HPSE2: variants seen among roughly 807,000 people sequenced by gnomAD.
HPSE2 encodes inactive heparanase-2.
In HPSE2, 38 loss-of-function variants were observed where a neutral mutation model predicts 60.5. That is an observed-to-expected ratio of 0.63 (90% CI 0.48 to 0.82). The LOEUF (loss-of-function observed/expected upper bound fraction) is 0.82, where lower values mean the gene tolerates loss of function less well. HPSE2 is among the 40% of genes least tolerant of loss of function. The pLI, the probability that HPSE2 is intolerant of heterozygous loss-of-function variation, is 0.00. For missense variants in HPSE2, 713 were observed against 740.4 expected, an observed-to-expected ratio of 0.96 and a Z score of 0.43; for synonymous variants, 295 against 293.2, an observed-to-expected ratio of 1.01 and a Z score of -0.06.
chr10:99,032,314 GA>G (rs1047736589), intron 3 of HPSE2, among the ~76,000 whole-genome samples: 2 of 151,564 alleles, frequency 1.3e-5, no homozygotes, highest in South Asian at 2.1e-4. Flanking sequence ...GGGGTGGAAA[GA>G]AAAAAAATCG....
At chr10:99,077,840 C>G (rs1186408055) in intron 3 of HPSE2, among the ~76,000 whole-genome samples, 1 of 152,000 alleles carries the variant, frequency 6.6e-6, no homozygotes, top group African/African-American at 2.4e-5. Context: ...TTGTCACCTC[C>G]AAATCTCATG....
At chr10:98,517,460 C>T (rs1276352454) in intron 9 of HPSE2, among the ~76,000 whole-genome samples, 5 of 152,276 alleles carry the variant, frequency 3.3e-5, no homozygotes, top group Admixed American at 3.3e-4. Flanking sequence ...CAGAGAGTAC[C>T]TCGTAAATAC....
chr10:98,573,638 T>C (rs899097991), intron 9 of HPSE2, among the ~76,000 whole-genome samples: 2 of 152,198 alleles, frequency 1.3e-5, no homozygotes, highest in Admixed American at 6.5e-5. Context: ...TCAGCTCCTA[T>C]CTTTTTCACC....
At chr10:98,756,265 C>T (rs1949876572) in intron 3 of HPSE2, among the ~76,000 whole-genome samples, 1 of 151,748 alleles carries the variant, frequency 6.6e-6, no homozygotes, top group South Asian at 2.1e-4. Flanking sequence ...CCTAGAGGAA[C>T]AAGGAAAACA....
intron 3 of HPSE2, among the ~76,000 whole-genome samples, chr10:98,806,939 C>T (rs374829553): frequency 1.3e-5 from 2 of 152,032 alleles, no homozygotes; most frequent in Non-Finnish European, 2.9e-5. Context: ...GTCAGGAGTT[C>T]GAGACCAGCC....
At chr10:99,145,144 C>T (rs1447303919) in intron 2 of HPSE2, among the ~76,000 whole-genome samples, 2 of 152,140 alleles carry the variant, frequency 1.3e-5, no homozygotes, top group East Asian at 1.9e-4. Context: ...AAACAGCTTC[C>T]TCAAAAAGAA....
intron 9 of HPSE2, among the ~76,000 whole-genome samples, chr10:98,517,947 TCTTC>T (rs1705825949): frequency 6.6e-6 from 1 of 152,228 alleles, no homozygotes; most frequent in South Asian, 2.1e-4. Context: ...ATAAATGTTT[TCTTC>T]CTTCAATGCT....
chr10:99,132,952 C>G (rs1055091542), intron 3 of HPSE2, among the ~76,000 whole-genome samples: 7 of 152,156 alleles, frequency 4.6e-5, no homozygotes, highest in African/African-American at 1.7e-4. Flanking sequence ...CTCAGAGGGT[C>G]CCACCCCCAC....
chr10:98,541,711 G>A (rs1943468649), intron 9 of HPSE2, among the ~76,000 whole-genome samples: 1 of 152,200 alleles, frequency 6.6e-6, no homozygotes, highest in Admixed American at 6.5e-5. Context: ...GAGTCTTGCT[G>A]ATTGCTAGCA....
At chr10:98,976,225 A>G (rs1395714580) in intron 3 of HPSE2, among the ~76,000 whole-genome samples, 2 of 152,156 alleles carry the variant, frequency 1.3e-5, no homozygotes, top group Non-Finnish European at 2.9e-5. Context: ...ATACATATAT[A>G]TATTTACTAT....
chr10:98,882,886 C>CAGAGGAGATAAT lies in HPSE2; in HGVS notation c.611-138842_611-138831dup, dbSNP rs1590004923. On this transcript the variant is annotated intron_variant, in intron 3 of 11. Transcript: ENST00000370552. ...TATTACAGTTTGGGGAACTGAGATA[C>CAGAGGAGATAAT]AGAGGAGATAATAACTATGCAAATA... is the stretch of plus-strand genomic sequence containing the variant. Among the ~76,000 whole-genome samples the CAGAGGAGATAAT allele has an allele frequency of 2.0e-5, 3 of 152,172 alleles. No homozygotes were observed. In the East Asian group the frequency reaches 5.8e-4, roughly 29 times the overall value.
chr10:99,125,621 T>C (rs1773728236), intron 3 of HPSE2, among the ~76,000 whole-genome samples: 1 of 152,158 alleles, frequency 6.6e-6, no homozygotes, highest in Non-Finnish European at 1.5e-5. Context: ...AAATTCTCCA[T>C]CACAGGCAAA....
intron 9 of HPSE2, among the ~76,000 whole-genome samples, chr10:98,590,106 T>G (rs1945047169): frequency 6.6e-6 from 1 of 152,204 alleles, no homozygotes; most frequent in Non-Finnish European, 1.5e-5. Flanking sequence ...AAGAAGGGGT[T>G]TACTGCATGT....
intron 3 of HPSE2, among the ~76,000 whole-genome samples, chr10:98,852,339 T>C (rs2134740268): frequency 6.6e-6 from 1 of 152,220 alleles, no homozygotes; most frequent in South Asian, 2.1e-4. Context: ...CCCAAGCTTT[T>C]TGTGTTGGAG....
rs4917835 is a variant in HPSE2, at chr10:98,458,215, C to T, written c.*1359G>A. On this transcript the variant is annotated 3_prime_UTR_variant, in exon 12 of 12. Coordinates refer to ENST00000370552, the MANE Select transcript of HPSE2 (RefSeq NM_021828.5). ...TCACAAACAGCAGAAATTGTATCACCGTCTCACTTGGAACAGTGTCAAATC... is the reference window on the plus strand; with the variant it reads ...TCACAAACAGCAGAAATTGTATCACTGTCTCACTTGGAACAGTGTCAAATC... 0.51 allele frequency: 77,192 copies of T among 152,036 alleles called. 19,820 individuals are homozygous for T. Among genetic ancestry groups the T allele is most frequent in the African/African-American group, 0.57 (23,507 of 41,416 alleles). The allele number at this position is 152,036 out of a possible 1,614,324, so 9.4% of individuals were successfully genotyped here. A position where few individuals can be genotyped will look rare whatever the true frequency, so the allele number is the denominator to read the frequency against.
rs149039925 is a variant in HPSE2, at chr10:98,952,534, A to G, written c.610+191704T>C. 3.9e-4 allele frequency among the ~76,000 whole-genome samples: 59 copies of G among 152,310 alleles called. 1 individual carries two copies. Among genetic ancestry groups the G allele is most frequent in the African/African-American group, 1.4e-3 (57 of 41,568 alleles). ...TGATCAGTTTGCTTTTCTCTTAGAA[A>G]CTAAAAGAATTCCTGTTGCTCTGGC... On this transcript the variant is annotated intron_variant, in intron 3 of 11. Transcript: ENST00000370552.
chr10:98,980,067 A>T (rs1256978488), intron 3 of HPSE2, among the ~76,000 whole-genome samples: 2 of 152,166 alleles, frequency 1.3e-5, no homozygotes, highest in African/African-American at 4.8e-5. Flanking sequence ...ATTCCCCATA[A>T]GGAATCAACC....
intron 3 of HPSE2, among the ~76,000 whole-genome samples, chr10:99,084,164 C>T (rs866653456): frequency 2.6e-5 from 4 of 151,878 alleles, no homozygotes; most frequent in Non-Finnish European, 5.9e-5. Context: ...AAACTCAATT[C>T]CTCCCTATCC....
At chr10:98,837,130 A>G (rs1951808516) in intron 3 of HPSE2, among the ~76,000 whole-genome samples, 2 of 152,224 alleles carry the variant, frequency 1.3e-5, no homozygotes, top group Admixed American at 1.3e-4. Context: ...CAATACCTAG[A>G]TTGGATTGTG....
Sources: allele counts gnomAD v4.1 joint callset (sites outside exome capture counted in the v4.1 genomes callset), GRCh38; gene constraint gnomAD v4.1.1; transcripts MANE v1.5; gene names NCBI Gene and HGNC (gene_info 2026-07-23, HGNC 2026-07-21).